MMP16: variants seen among roughly 807,000 people sequenced by gnomAD.
MMP16 encodes the protein matrix metallopeptidase 16.
A neutral mutation model predicts 67.8 loss-of-function variants in MMP16; 12 were observed. That is an observed-to-expected ratio of 0.18 (90% CI 0.11 to 0.29). The LOEUF is 0.29. Among genes scored for constraint, MMP16 ranks in the 10% least tolerant of loss-of-function variants. MMP16 has a pLI of 1.00. For missense variants in MMP16, 475 were observed against 765.7 expected, an observed-to-expected ratio of 0.62 and a Z score of 4.48; for synonymous variants, 249 against 255.9, an observed-to-expected ratio of 0.97 and a Z score of 0.26.
In MMP16 at chr8:88,039,345, C is replaced by A. The variant is rs578133848; in HGVS notation, c.*2116G>T. The A allele has an allele frequency of 9.8e-5, 15 of 152,422 alleles. No individual in the cohort carries two copies. In the South Asian group the frequency reaches 3.1e-3, roughly 32 times the overall value. 9.4% of individuals were successfully genotyped at this position (152,422 alleles called of 1,614,324 possible). ...TTAAAATTCACTTCTACCTATAGGG[C>A]ATTTTCAGAGTGTGCATGTAAAGAG... is the stretch of plus-strand genomic sequence containing the variant. On this transcript the variant is annotated 3_prime_UTR_variant, in exon 10 of 10. Coordinates refer to ENST00000286614, the MANE Select transcript of MMP16 (RefSeq NM_005941.5). The surrounding 1 kb of genome is among the most constrained non-coding windows in gnomAD (Gnocchi z 4.5).
intron 1 of MMP16, among the ~76,000 whole-genome samples, chr8:88,272,009 C>A (rs571857739): frequency 3.3e-5 from 5 of 152,228 alleles, no homozygotes; most frequent in Admixed American, 3.3e-4. Flanking sequence ...AAAATGGAGA[C>A]AACACGCACC....
chr8:88,227,895 TA>T (rs1430307944), intron 1 of MMP16, among the ~76,000 whole-genome samples: 1 of 152,046 alleles, frequency 6.6e-6, no homozygotes, highest in South Asian at 2.1e-4. Context: ...TAGTCATATT[TA>T]AAAAAATATA....
chr8:88,327,098 T>C lies in MMP16; in HGVS notation c.109A>G (p.Thr37Ala). ...ACCTCCACATTGAAATACTGCTCCG[T>C]TCCGCAGACTGTAGCACATAAAATC... ...LWILCATVCG[T>A]EQYFNVEVWL... Residue 37 changes from threonine to alanine, a missense_variant, in exon 1 of 10, where the codon ACG becomes GCG. Thr to Ala is a moderately conservative substitution (Grantham distance 58). Coordinates refer to ENST00000286614, the MANE Select transcript of MMP16 (RefSeq NM_005941.5). 6.2e-7 allele frequency: 1 copy of C among 1,613,910 alleles called. No individual in the cohort carries two copies. Among genetic ancestry groups the C allele is most frequent in the South Asian group, 1.1e-5 (1 of 91,068 alleles).
chr8:88,295,532 A>G (rs17667883), intron 1 of MMP16, among the ~76,000 whole-genome samples: 15,438 of 152,240 alleles, frequency 0.1, 940 homozygotes, highest in South Asian at 0.17. Context: ...AGGGAACTTT[A>G]TACTACAGAG....
intron 8 of MMP16, among the ~76,000 whole-genome samples, chr8:88,054,461 A>G (rs2118221587): frequency 6.6e-6 from 1 of 152,334 alleles, no homozygotes; most frequent in African/African-American, 2.4e-5. Flanking sequence ...GTGGCAATAC[A>G]GTTCTTCCTC....
intron 6 of MMP16, among the ~76,000 whole-genome samples, chr8:88,084,380 T>A (rs1808799187): frequency 6.6e-6 from 1 of 151,466 alleles, no homozygotes; most frequent in Non-Finnish European, 1.5e-5. Context: ...AGGAATAACT[T>A]AAGACAAGCA....
intron 3 of MMP16, among the ~76,000 whole-genome samples, chr8:88,174,695 T>C: frequency 6.6e-6 from 1 of 152,114 alleles, no homozygotes; most frequent in Non-Finnish European, 1.5e-5. Context: ...TGAGAATGCT[T>C]AGCTTTAATC....
chr8:88,119,207 TTA>T (rs1466748468), intron 4 of MMP16, among the ~76,000 whole-genome samples: 1 of 152,052 alleles, frequency 6.6e-6, no homozygotes, highest in Non-Finnish European at 1.5e-5. Flanking sequence ...CATCTTACTT[TTA>T]TATGTCTCAC....
intron 1 of MMP16, among the ~76,000 whole-genome samples, chr8:88,247,671 T>C (rs1399057336): frequency 2.0e-5 from 3 of 152,018 alleles, no homozygotes; most frequent in African/African-American, 7.2e-5. Flanking sequence ...CTGGAACAAT[T>C]TTAGGTGGAG....
At chr8:88,097,061 C>A (rs1321426889) in intron 6 of MMP16, among the ~76,000 whole-genome samples, 10 of 151,856 alleles carry the variant, frequency 6.6e-5, no homozygotes, top group Non-Finnish European at 1.5e-4. Context: ...ACAGAATGGG[C>A]TCCTTCACGT....
At position 88,038,181 on chromosome 8, in the gene MMP16, A is replaced by G. The variant is rs993475240; in HGVS notation, c.*3280T>C. 2 of 152,156 alleles carry G rather than the reference A, an allele frequency of 1.3e-5. No homozygotes were observed. Among genetic ancestry groups the G allele is most frequent in the East Asian group, 1.9e-4 (1 of 5,180 alleles). The allele number at this position is 152,156 out of a possible 1,614,324, so 9.4% of individuals were successfully genotyped here. On this transcript the variant is annotated 3_prime_UTR_variant, in exon 10 of 10. Transcript: ENST00000286614. The surrounding 1 kb of genome is among the most constrained non-coding windows in gnomAD (Gnocchi z 4.1). The stretch of plus-strand genomic sequence containing the variant: ...ACCCACAAAGTAGCTGGTGTACAAT[A>G]AACAAATGGAATCCCACTGTTTGTG...
chr8:88,240,265 T>C (rs1332369711), intron 1 of MMP16, among the ~76,000 whole-genome samples: 1 of 152,196 alleles, frequency 6.6e-6, no homozygotes, highest in Non-Finnish European at 1.5e-5. Context: ...CCCAGATATT[T>C]GGAGGATCAA....
chr8:88,095,393 A>T (rs1336424962), intron 6 of MMP16, among the ~76,000 whole-genome samples: 1 of 151,642 alleles, frequency 6.6e-6, no homozygotes, highest in Admixed American at 6.6e-5. Flanking sequence ...TTGGTCTTCT[A>T]TGCATTAGGG....
At chr8:88,279,845 A>C (rs1470212942) in intron 1 of MMP16, among the ~76,000 whole-genome samples, 1 of 152,178 alleles carries the variant, frequency 6.6e-6, no homozygotes, top group Non-Finnish European at 1.5e-5. Flanking sequence ...GTGAAATACT[A>C]TGAAGCTTCA....
Position 88,324,726 on chromosome 8 carries a change from C to A in MMP16, c.132+2349G>T, listed in dbSNP as rs187601116. Among the ~76,000 whole-genome samples the A allele has an allele frequency of 1.5e-3, 226 of 152,184 alleles. 3 individuals are homozygous for A. Among genetic ancestry groups the A allele is most frequent in the Non-Finnish European group, 2.8e-3 (189 of 68,014 alleles). On this transcript the variant is annotated intron_variant, in intron 1 of 9. Transcript: ENST00000286614. ...CCTCTTCTGGAGAGGAAGTGATGGA[C>A]CATTCTTCCCATTAGTGTTTCCTAT...
At position 88,230,409 on chromosome 8, in the gene MMP16, G is replaced by T. The variant is rs537501582; in HGVS notation, c.133-33103C>A. On this transcript the variant is annotated intron_variant, in intron 1 of 9. Transcript: ENST00000286614. ...CTACATAAAAGATCTTTAGTGGGAA[G>T]GTAAAATGAAAATTTGACCATGTGA... is the stretch of plus-strand genomic sequence containing the variant. Among the ~76,000 whole-genome samples, 3 of 152,166 alleles carry T rather than the reference G, an allele frequency of 2.0e-5. No individual in the cohort carries two copies. In the South Asian group the frequency reaches 6.2e-4, roughly 32 times the overall value.
At chr8:88,193,068 G>A (rs887943205) in intron 2 of MMP16, among the ~76,000 whole-genome samples, 3 of 150,172 alleles carry the variant, frequency 2.0e-5, no homozygotes, top group African/African-American at 7.4e-5. Context: ...ATATCCAAAG[G>A]AAAGGGTATC....
At position 88,311,628 on chromosome 8, in the gene MMP16, G is replaced by A. The variant is rs377556173; in HGVS notation, c.132+15447C>T. ...TCATTTTTAATGAATTTCTAAATAA[G>A]TATTTAAAAATTCTCTTAGATTTAT... On this transcript the variant is annotated intron_variant, in intron 1 of 9. Coordinates refer to ENST00000286614, the MANE Select transcript of MMP16 (RefSeq NM_005941.5). Among the ~76,000 whole-genome samples, 9 of 152,058 alleles carry A rather than the reference G, an allele frequency of 5.9e-5. No individual in the cohort carries two copies. In the East Asian group the frequency reaches 1.4e-3, roughly 23 times the overall value.
intron 4 of MMP16, among the ~76,000 whole-genome samples, chr8:88,162,586 T>C (rs756541543): frequency 1.3e-5 from 2 of 152,044 alleles, no homozygotes; most frequent in African/African-American, 2.4e-5. Context: ...TTCCCACAGT[T>C]GGTGGTACTG....
Sources: allele counts gnomAD v4.1 joint callset (sites outside exome capture counted in the v4.1 genomes callset), GRCh38; gene constraint gnomAD v4.1.1; non-coding constraint Gnocchi (gnomAD v3.1); transcripts MANE v1.5; gene names NCBI Gene and HGNC (gene_info 2026-07-23, HGNC 2026-07-21).